The following TBC1D17 variants were observed in gnomAD, a reference collection of about 807,000 sequenced individuals.
The protein encoded by TBC1D17 is TBC1 domain family member 17, also known as TBC1 domain family, member 17.
In TBC1D17, 69 loss-of-function variants were observed where a neutral mutation model predicts 78.8. That is an observed-to-expected ratio of 0.88 (90% CI 0.72 to 1.07). TBC1D17 has a LOEUF of 1.07. TBC1D17 is among the 50% of genes least tolerant of loss of function. The pLI, the probability that TBC1D17 is intolerant of heterozygous loss-of-function variation, is 0.00. For synonymous variants in TBC1D17, 456 were observed against 358.3 expected (o/e 1.27, Z -3.08); for missense variants, 957 against 861.0 (o/e 1.11, Z -1.39).
At chr19:49,888,027 C>A in intron 15 of TBC1D17, 193 bp downstream of exon 15, 2 of 985,696 alleles carry the variant, frequency 2.0e-6, no homozygotes, top group Non-Finnish European at 3.0e-6. Flanking sequence ...GTCCTCCGGG[C>A]AGGTGGGTGG....
rs1350744869 is a variant in TBC1D17, at chr19:49,881,428, C to T, written c.480C>T (p.Gly160=). 6.2e-6 allele frequency: 10 copies of T among 1,612,010 alleles called. No individual in the cohort carries two copies. The highest frequency in any genetic ancestry group is 5.0e-5 in the Admixed American group (3 of 59,980). ...SLPALHFHRG[G]TRALLRVLSR... is the part of the protein sequence containing the mutation. ...CCGCACTGCACTTCCACCGCGGGGG[C>T]ACCCGCGCCCTGCTCCGCGTCCTCA... The change falls in exon 5 of 17, where the codon GGC becomes GGT. Residue 160 remains glycine (G), a synonymous_variant. Transcript: ENST00000221543.
intron 10 of TBC1D17, 106 bp from the exon 11 acceptor site, chr19:49,884,147 G>T: frequency 2.9e-6 from 3 of 1,025,550 alleles, no homozygotes; most frequent in Non-Finnish European, 4.5e-6. Flanking sequence ...AAACCCCGAG[G>T]CTGGGGGCTG....
chr19:49,887,453 G>A, intron 13 of TBC1D17, 23 bp from the exon 14 acceptor site: 1 of 1,610,760 alleles, frequency 6.2e-7, no homozygotes, highest in South Asian at 1.1e-5. Flanking sequence ...GCAAGGCTGA[G>A]TGGGCTCCAT....
rs1054720689 is a variant in TBC1D17, at chr19:49,888,682, G to A, written c.*58G>A. On this transcript the variant is annotated 3_prime_UTR_variant, in exon 17 of 17. Coordinates refer to ENST00000221543, the MANE Select transcript of TBC1D17 (RefSeq NM_024682.3). Reference sequence around the variant, plus strand: ...TTTAGCCCGAGCCAGGCACACCTGCGAGGGGGCAGGTGTGCTCCGCCGCCC... The same window carrying A: ...TTTAGCCCGAGCCAGGCACACCTGCAAGGGGGCAGGTGTGCTCCGCCGCCC... 2.1e-6 allele frequency: 3 copies of A among 1,426,646 alleles called. No individual in the cohort carries two copies. The highest frequency in any genetic ancestry group is 1.4e-5 in the African/African-American group (1 of 70,052). 88.4% of individuals were successfully genotyped at this position (1,426,646 alleles called of 1,614,324 possible).
rs749068058 is a variant in TBC1D17, at chr19:49,882,765, T to C, written c.800T>C (p.Val267Ala). 6.4e-7 allele frequency: 1 copy of C among 1,559,622 alleles called. No homozygotes were observed. The highest frequency in any genetic ancestry group is 8.7e-7 in the Non-Finnish European group (1 of 1,152,866). Reference sequence around the variant, plus strand: ...GGCTCATTTGCTCTTTGCCTGCAGGTGGAGCTGGGGCCTCGGCCAACCGTG... The same window carrying C: ...GGCTCATTTGCTCTTTGCCTGCAGGCGGAGCTGGGGCCTCGGCCAACCGTG... ...PEPGFEVISCVELGPRPTVER... is the reference protein window; with the variant it reads ...PEPGFEVISCAELGPRPTVER... Residue 267 changes from valine (V) to alanine (A), a missense_variant and splice_region_variant, in exon 8 of 17, where the codon GTG (valine) becomes GCG (alanine). Transcript: ENST00000221543.
intron 13 of TBC1D17, 168 bp from the exon 14 acceptor site, chr19:49,887,308 G>C: frequency 1.6e-6 from 1 of 636,570 alleles, no homozygotes; most frequent in Non-Finnish European, 2.8e-6. Flanking sequence ...TGGGAGGAAG[G>C]AGGGGCAGGG....
Position 49,877,747 on chromosome 19 carries a change from A to G in TBC1D17, c.21+3A>G. ...CTATGGAAGGAGCCGGCTACAGGGT[A>G]AGCACTGAGGACGCATTCCCTCGCT... On this transcript the variant is annotated splice_donor_region_variant and intron_variant, in intron 1 of 16. Transcript: ENST00000221543. The G allele has an allele frequency of 6.3e-7, 1 of 1,594,624 alleles. No individual in the cohort carries two copies. The highest frequency in any genetic ancestry group is 8.5e-7 in the Non-Finnish European group (1 of 1,171,510).
At chr19:49,881,625 A>G (rs7248498) in intron 5 of TBC1D17, 150 bp downstream of exon 5, 347,553 of 765,004 alleles carry the variant, frequency 0.45, 83,015 homozygotes, top group African/African-American at 0.67. Context: ...AAAGTCAAAA[A>G]GGAGTATTGA....
At chr19:49,885,576 G>A (rs1247725910) in intron 13 of TBC1D17, 2 of 152,258 alleles carry the variant, frequency 1.3e-5, no homozygotes, top group African/African-American at 4.8e-5. Context: ...CAGTGCTTTG[G>A]GAGGCCAAGG....
chr19:49,881,687 C>T (rs1026642473), intron 5 of TBC1D17, among the ~76,000 whole-genome samples: 2 of 152,178 alleles, frequency 1.3e-5, no homozygotes, highest in African/African-American at 2.4e-5. Flanking sequence ...TCCTTTTTCC[C>T]TCTGAGTTCG....
At chr19:49,880,247 C>T in intron 3 of TBC1D17, 32 bp from the exon 4 acceptor site, 2 of 1,611,860 alleles carry the variant, frequency 1.2e-6, no homozygotes, top group Middle Eastern at 1.7e-4. Flanking sequence ...GAATCCATGG[C>T]CCCTTACTGT....
Position 49,888,000 on chromosome 19 carries a change from T to C in TBC1D17, c.1659+166T>C, listed in dbSNP as rs2075075892. 3 of 907,212 alleles carry C rather than the reference T, an allele frequency of 3.3e-6. No individual in the cohort carries two copies. The Admixed American group carries it at 7.5e-5, about 23-fold the overall frequency. 56.2% of individuals were successfully genotyped at this position (907,212 alleles called of 1,614,324 possible). A position where few individuals can be genotyped will look rare whatever the true frequency, so the allele number is the denominator to read the frequency against. ...TAGGTTTCCCTTCTGCCCCATGCCA[T>C]GCCTGCTCCCAGCAAGGTCCTCCGG... On this transcript the variant is annotated intron_variant, in intron 15 of 16. Coordinates refer to ENST00000221543, the MANE Select transcript of TBC1D17 (RefSeq NM_024682.3).
intron 13 of TBC1D17, 116 bp from the exon 14 acceptor site, chr19:49,887,360 C>T: frequency 9.2e-7 from 1 of 1,084,112 alleles, no homozygotes; most frequent in Non-Finnish European, 1.4e-6. Flanking sequence ...CGAGGTTCCC[C>T]AGCCAGGCAT....
Position 49,883,011 on chromosome 19 carries a change from C to G in TBC1D17, c.966C>G (p.Phe322Leu). The change falls in exon 9 of 17, where the codon TTC becomes TTG. Residue 322 changes from phenylalanine to leucine, a missense_variant. Phe to Leu is a conservative substitution (Grantham distance 22, BLOSUM62 0). Transcript: ENST00000221543. ...SPSLRREAWK[F>L]LLGYLSWEGT... ...GCCTGCGGCGCGAGGCCTGGAAGTT[C>G]CTCCTAGGGTACCTCAGCTGGGAAG... 6.2e-7 allele frequency: 1 copy of G among 1,611,244 alleles called. No homozygotes were observed. Among genetic ancestry groups the G allele is most frequent in the Non-Finnish European group, 8.5e-7 (1 of 1,178,938 alleles).
chr19:49,884,576 G>A lies in TBC1D17; in HGVS notation c.1344+17G>A, dbSNP rs369817513. ...GAGCTCGTGGTGAGGCTTGGGTCAGGGGTGGGACACAGGCCTATCGAGCGA... is the reference window on the plus strand; with the variant it reads ...GAGCTCGTGGTGAGGCTTGGGTCAGAGGTGGGACACAGGCCTATCGAGCGA... On this transcript the variant is annotated intron_variant, in intron 12 of 16. Transcript: ENST00000221543. The A allele has an allele frequency of 6.8e-6, 11 of 1,613,856 alleles. No homozygotes were observed. Among genetic ancestry groups the A allele is most frequent in the Non-Finnish European group, 9.3e-6 (11 of 1,179,852 alleles).
chr19:49,883,757 G>C lies in TBC1D17; in HGVS notation c.1126+12G>C, dbSNP rs2075036020. The C allele has an allele frequency of 6.2e-7, 1 of 1,611,306 alleles. No individual in the cohort carries two copies. The highest frequency in any genetic ancestry group is 8.5e-7 in the Non-Finnish European group (1 of 1,177,906). On this transcript the variant is annotated intron_variant, in intron 10 of 16. Coordinates refer to ENST00000221543, the MANE Select transcript of TBC1D17 (RefSeq NM_024682.3). ...CCGCAGCCTCATCGGTCAGTGTCAG[G>C]GGTGGCACTTAGGGTGGATGGGAGC...
chr19:49,880,475 G>C (rs2075003672), intron 4 of TBC1D17, 73 bp downstream of exon 4: 1 of 1,559,268 alleles, frequency 6.4e-7, no homozygotes, highest in Non-Finnish European at 8.7e-7. Flanking sequence ...AGTGGTCACG[G>C]TCCCAAGGGC....
intron 3 of TBC1D17, 78 bp downstream of exon 3, chr19:49,878,650 G>GCGTACAATCCCAGACCTA: frequency 2.1e-6 from 3 of 1,398,730 alleles, no homozygotes; most frequent in Non-Finnish European, 3.0e-6. Context: ...TGAGGGACCT[G>GCGTACAATCCCAGACCTA]CGTACAATCC....
Position 49,887,480 on chromosome 19 carries a change from C to T in TBC1D17, c.1449C>T (p.Ser483=), listed in dbSNP as rs1282479072. The part of the protein sequence containing the change: ...LDPLLCDFLD[S]QDSGSLCFCF... ...GGGCTCCATGTCATCCCCCAGATTC[C>T]CAGGACTCCGGCTCTCTCTGCTTCT... The change falls in exon 14 of 17, where the codon TCC becomes TCT. Residue 483 remains serine (S), a synonymous_variant. Transcript: ENST00000221543. 6.2e-7 allele frequency: 1 copy of T among 1,613,966 alleles called. No individual in the cohort carries two copies. The highest frequency in any genetic ancestry group is 8.5e-7 in the Non-Finnish European group (1 of 1,179,932).
Sources: allele counts gnomAD v4.1 joint callset (sites outside exome capture counted in the v4.1 genomes callset), GRCh38; gene constraint gnomAD v4.1.1; transcripts MANE v1.5; gene names NCBI Gene and HGNC (gene_info 2026-07-23, HGNC 2026-07-21).